Variants in FAM168B observed in about 807,000 individuals in gnomAD.
FAM168B encodes the protein myelin-associated neurite-outgrowth inhibitor.
FAM168B carries 19 observed loss-of-function variants against 21.8 expected under a neutral mutation model. That is an observed-to-expected ratio of 0.87 (90% CI 0.61 to 1.28). The LOEUF is 1.28. Among genes scored for constraint, FAM168B ranks in the 50% most tolerant of loss-of-function variants. The pLI is 0.00. For synonymous variants in FAM168B, 126 were observed against 104.8 expected, an observed-to-expected ratio of 1.20 and a Z score of -1.24; for missense variants, 233 against 263.1, an observed-to-expected ratio of 0.89 and a Z score of 0.79.
At chr2:131,061,459 G>A (rs770133241) in intron 3 of FAM168B, among the ~76,000 whole-genome samples, 24 of 151,630 alleles carry the variant, frequency 1.6e-4, no homozygotes, top group Non-Finnish European at 2.6e-4. Flanking sequence ...AAGGGCCCAC[G>A]GATCACCACA....
chr2:131,076,493 C>CAA (rs200643042), intron 2 of FAM168B, among the ~76,000 whole-genome samples: 1 of 148,268 alleles, frequency 6.7e-6, no homozygotes, highest in Non-Finnish European at 1.5e-5. Flanking sequence ...AATAAAAGTA[C>CAA]AAAAAAAAAA....
At chr2:131,054,110 G>A (rs1691863306) in intron 5 of FAM168B, among the ~76,000 whole-genome samples, 1 of 151,712 alleles carries the variant, frequency 6.6e-6, no homozygotes, top group Non-Finnish European at 1.5e-5. Flanking sequence ...TGGGAAGGAT[G>A]AGGTGGGAAA....
rs1003491345 is a variant in FAM168B, at chr2:131,050,919, C to T, written c.*1546G>A. The T allele has an allele frequency of 1.1e-4, 106 of 985,688 alleles. No individual in the cohort carries two copies. Among genetic ancestry groups the T allele is most frequent in the Non-Finnish European group, 1.2e-4 (103 of 830,260 alleles). 61.1% of individuals were successfully genotyped at this position (985,688 alleles called of 1,614,324 possible). On this transcript the variant is annotated 3_prime_UTR_variant, in exon 7 of 7. Coordinates refer to ENST00000389915, the MANE Select transcript of FAM168B (RefSeq NM_001009993.4). ...CTGAAAGGGACCCAGGCCTTACATC[C>T]CCCACCCCCACTCTGACCCTCACTG...
chr2:131,052,026 C>G lies in FAM168B; in HGVS notation c.*439G>C, dbSNP rs752743539. The G allele has an allele frequency of 1.0e-6, 1 of 985,718 alleles. No individual in the cohort carries two copies. The highest frequency in any genetic ancestry group is 1.2e-6 in the Non-Finnish European group (1 of 829,914). 61.1% of individuals were successfully genotyped at this position (985,718 alleles called of 1,614,324 possible). A position where few individuals can be genotyped will look rare whatever the true frequency, so the allele number is the denominator to read the frequency against. ...AAGAAATTCACTTTAACACTTATAA[C>G]TGTAAGACTTTGCATACATTACAAC... On this transcript the variant is annotated 3_prime_UTR_variant, in exon 7 of 7. Transcript: ENST00000389915.
intron 3 of FAM168B, among the ~76,000 whole-genome samples, chr2:131,071,073 T>G (rs1193044377): frequency 1.3e-5 from 2 of 152,180 alleles, no homozygotes; most frequent in Non-Finnish European, 2.9e-5. Context: ...AACGAAGAGA[T>G]GGATGTAAGG....
At chr2:131,078,907 G>A (rs770519273) in intron 2 of FAM168B, among the ~76,000 whole-genome samples, 1 of 150,722 alleles carries the variant, frequency 6.6e-6, no homozygotes, top group Non-Finnish European at 1.5e-5. Context: ...GATCCCTTGA[G>A]TCCAAGGAGT....
In FAM168B at chr2:131,049,572, G is replaced by A. The variant is rs1691522386; in HGVS notation, c.*2893C>T. The A allele has an allele frequency of 1.0e-6, 1 of 985,254 alleles. No homozygotes were observed. Among genetic ancestry groups the A allele is most frequent in the African/African-American group, 1.7e-5 (1 of 57,188 alleles). The allele number at this position is 985,254 out of a possible 1,614,324, so 61.0% of individuals were successfully genotyped here. A position where few individuals can be genotyped will look rare whatever the true frequency, so the allele number is the denominator to read the frequency against. ...CAGCCGCCAGCACAGATCCAAACAAGACCTCCATGAGCAGAGAAACTGCAG... is the reference window on the plus strand; with the variant it reads ...CAGCCGCCAGCACAGATCCAAACAAAACCTCCATGAGCAGAGAAACTGCAG... On this transcript the variant is annotated 3_prime_UTR_variant, in exon 7 of 7. Coordinates refer to ENST00000389915, the MANE Select transcript of FAM168B (RefSeq NM_001009993.4).
intron 1 of FAM168B, among the ~76,000 whole-genome samples, chr2:131,089,585 G>C (rs1693902664): frequency 4.6e-5 from 7 of 151,064 alleles, no homozygotes. Context: ...AATACAAAAA[G>C]AAAATTAGCC....
chr2:131,079,670 T>C (rs1434491754), intron 2 of FAM168B, among the ~76,000 whole-genome samples: 1 of 152,134 alleles, frequency 6.6e-6, no homozygotes, highest in Non-Finnish European at 1.5e-5. Context: ...CCTCTGGGAC[T>C]ACATCTCTAT....
intron 5 of FAM168B, among the ~76,000 whole-genome samples, chr2:131,053,389 C>T (rs930976200): frequency 1.3e-5 from 2 of 152,140 alleles, no homozygotes; most frequent in Non-Finnish European, 2.9e-5. Flanking sequence ...AGAAGCCAGT[C>T]ACTAAAAGAC....
chr2:131,051,769 T>TA lies in FAM168B; in HGVS notation c.*695_*696insT, dbSNP rs1468726682. On this transcript the variant is annotated 3_prime_UTR_variant, in exon 7 of 7. Coordinates refer to ENST00000389915, the MANE Select transcript of FAM168B (RefSeq NM_001009993.4). Reference sequence around the variant, plus strand: ...TCTTTCATGATGAGCTTTAAGCATGTCCCTGTTCCACTGACTCCACCAAGC... The same window carrying TA: ...TCTTTCATGATGAGCTTTAAGCATGTACCCTGTTCCACTGACTCCACCAAGC... The TA allele has an allele frequency of 3.0e-6, 3 of 985,326 alleles. No individual in the cohort carries two copies. The highest frequency in any genetic ancestry group is 3.6e-6 in the Non-Finnish European group (3 of 829,940). The allele number at this position is 985,326 out of a possible 1,614,324, so 61.0% of individuals were successfully genotyped here.
rs192798158 is a variant in FAM168B at position 131,090,713 on chromosome 2, A to C, written c.-12+2501T>G. On this transcript the variant is annotated intron_variant, in intron 1 of 6. Coordinates refer to ENST00000389915, the MANE Select transcript of FAM168B (RefSeq NM_001009993.4). ...AGACTCCCATCTCTACAAAATGAAC[A>C]TATATATGTATAATATATACAAATT... Among the ~76,000 whole-genome samples the C allele has an allele frequency of 2.5e-3, 384 of 152,242 alleles. 6 individuals are homozygous for C. Among genetic ancestry groups the C allele is most frequent in the South Asian group, 0.019 (91 of 4,816 alleles).
chr2:131,065,415 TC>T (rs1005511823), intron 3 of FAM168B, among the ~76,000 whole-genome samples: 8 of 152,020 alleles, frequency 5.3e-5, no homozygotes, highest in Non-Finnish European at 1.2e-4. Context: ...GGCTATTCTC[TC>T]CCCCTCGGCT....
chr2:131,076,082 G>A lies in FAM168B; in HGVS notation c.71-4144C>T, dbSNP rs569573872. On this transcript the variant is annotated intron_variant, in intron 2 of 6. Transcript: ENST00000389915. Reference sequence around the variant, plus strand: ...CCTGGACTGCACAAAACCCACAGGGGCAGCTTTGGGAGGACCCCCAACACT... The same window carrying A: ...CCTGGACTGCACAAAACCCACAGGGACAGCTTTGGGAGGACCCCCAACACT... Among the ~76,000 whole-genome samples, 20 of 152,178 alleles carry A rather than the reference G, an allele frequency of 1.3e-4. 1 individual carries two copies. Among genetic ancestry groups the A allele is most frequent in the African/African-American group, 4.8e-4 (20 of 41,522 alleles).
intron 6 of FAM168B, 43 bp from the exon 7 acceptor site, chr2:131,052,495 C>A: frequency 2.0e-6 from 2 of 1,011,748 alleles, no homozygotes; most frequent in Non-Finnish European, 2.4e-6. Flanking sequence ...AGAGCTCTTC[C>A]GGCACCGCTA....
chr2:131,061,795 A>C (rs1692311206), intron 3 of FAM168B, among the ~76,000 whole-genome samples: 1 of 151,730 alleles, frequency 6.6e-6, no homozygotes, highest in African/African-American at 2.4e-5. Context: ...AAAAAAAAAA[A>C]AGAAGAAGAA....
chr2:131,080,573 G>A (rs577030652), intron 2 of FAM168B, among the ~76,000 whole-genome samples: 5 of 149,412 alleles, frequency 3.3e-5, no homozygotes, highest in Admixed American at 6.6e-5. Flanking sequence ...AGCTGAGATC[G>A]TGCCACTGCA....
chr2:131,061,567 G>A (rs979803666), intron 3 of FAM168B, among the ~76,000 whole-genome samples: 1 of 152,080 alleles, frequency 6.6e-6, no homozygotes, highest in African/African-American at 2.4e-5. Context: ...GATCACCTGA[G>A]GTCAGGAATT....
chr2:131,048,997 A>G lies in FAM168B; in HGVS notation c.*3468T>C. 1 of 985,618 alleles carries G rather than the reference A, an allele frequency of 1.0e-6. No individual in the cohort carries two copies. The highest frequency in any genetic ancestry group is 1.7e-5 in the African/African-American group (1 of 57,382). The allele number at this position is 985,618 out of a possible 1,614,324, so 61.1% of individuals were successfully genotyped here. A position where few individuals can be genotyped will look rare whatever the true frequency, so the allele number is the denominator to read the frequency against. On this transcript the variant is annotated 3_prime_UTR_variant, in exon 7 of 7. Coordinates refer to ENST00000389915, the MANE Select transcript of FAM168B (RefSeq NM_001009993.4). ...CTGTTCTCAAATGTTTAAAAAGGAC[A>G]GGTGAAGTCTGGGTCTCCTTTTTTA... is the stretch of plus-strand genomic sequence containing the variant.
Sources: allele counts gnomAD v4.1 joint callset (sites outside exome capture counted in the v4.1 genomes callset), GRCh38; gene constraint gnomAD v4.1.1; transcripts MANE v1.5; gene names NCBI Gene and HGNC (gene_info 2026-07-23, HGNC 2026-07-21).